PACSIN2: variants seen among roughly 807,000 people sequenced by gnomAD.
PACSIN2 encodes protein kinase C and casein kinase substrate in neurons 2, also known as protein kinase C and casein kinase substrate in neurons protein 2.
In PACSIN2, 25 loss-of-function variants were observed where a neutral mutation model predicts 63.8. That is an observed-to-expected ratio of 0.39 (90% CI 0.29 to 0.55). PACSIN2 has a LOEUF of 0.55. Ranked by LOEUF, PACSIN2 falls within the 20% of genes least tolerant of loss-of-function variation. The pLI is 0.62. For synonymous variants in PACSIN2, 255 were observed against 256.2 expected (o/e 1.00, Z 0.05); for missense variants, 518 against 646.9 (o/e 0.80, Z 2.16).
In PACSIN2 at chr22:42,990,059, CAT is replaced by C. The variant is rs202179063; in HGVS notation, c.-78+24960_-78+24961del. Among the ~76,000 whole-genome samples, 575 of 83,690 alleles carry C rather than the reference CAT, an allele frequency of 6.9e-3. 3 individuals are homozygous for C. Among genetic ancestry groups the C allele is most frequent in the African/African-American group, 0.029 (548 of 18,994 alleles). 54.9% of individuals were successfully genotyped at this position (83,690 alleles called of 152,430 possible). The stretch of plus-strand genomic sequence containing the variant: ...ATGTATATATATATATATACACACA[CAT>C]ATGTGTGTATATATATGTGTGTGTA... On this transcript the variant is annotated intron_variant, in intron 1 of 10. Coordinates refer to ENST00000263246, the MANE Select transcript of PACSIN2 (RefSeq NM_001184970.3).
intron 1 of PACSIN2, among the ~76,000 whole-genome samples, chr22:42,918,200 C>T (rs1230785079): frequency 6.6e-6 from 1 of 152,200 alleles, no homozygotes; most frequent in African/African-American, 2.4e-5. Flanking sequence ...CTAGAATAGC[C>T]ATGCTCAACC....
intron 1 of PACSIN2, among the ~76,000 whole-genome samples, chr22:42,949,069 G>T (rs909889776): frequency 6.6e-6 from 1 of 152,198 alleles, no homozygotes; most frequent in African/African-American, 2.4e-5. Flanking sequence ...GAGGTGGAAG[G>T]ATTGCTTGAG....
intron 1 of PACSIN2, among the ~76,000 whole-genome samples, chr22:42,913,138 T>C (rs1931571197): frequency 6.6e-6 from 1 of 152,126 alleles, no homozygotes; most frequent in Non-Finnish European, 1.5e-5. Context: ...TGGGCAACAG[T>C]GGGCAAGTTA....
chr22:42,902,118 C>G (rs1223745460), intron 2 of PACSIN2, among the ~76,000 whole-genome samples: 1 of 152,216 alleles, frequency 6.6e-6, no homozygotes, highest in East Asian at 1.9e-4. Flanking sequence ...AACAAACTGC[C>G]ATGCGACTGT....
At position 42,983,087 on chromosome 22, in the gene PACSIN2, C is replaced by T. The variant is rs544855964; in HGVS notation, c.-78+31934G>A. Among the ~76,000 whole-genome samples, 10 of 151,582 alleles carry T rather than the reference C, an allele frequency of 6.6e-5. No homozygotes were observed. The East Asian group carries it at 1.6e-3, about 24-fold the overall frequency. On this transcript the variant is annotated intron_variant, in intron 1 of 10. Coordinates refer to ENST00000263246, the MANE Select transcript of PACSIN2 (RefSeq NM_001184970.3). ...ATTCCAGCACTTTGGGAAGCTGAGG[C>T]GGGTGGATTACCTGAAGTCACGAGT... is the stretch of plus-strand genomic sequence containing the variant.
chr22:42,921,312 T>C (rs967962476), intron 1 of PACSIN2, among the ~76,000 whole-genome samples: 4 of 150,834 alleles, frequency 2.7e-5, no homozygotes, highest in Non-Finnish European at 4.4e-5. Context: ...TGAGCCGAGA[T>C]TGTGTCACTG....
chr22:42,979,943 GCACA>G (rs1164625004), intron 1 of PACSIN2, among the ~76,000 whole-genome samples: 1 of 151,900 alleles, frequency 6.6e-6, no homozygotes, highest in Non-Finnish European at 1.5e-5. Context: ...TTACACATAC[GCACA>G]TACATACAAT....
intron 1 of PACSIN2, among the ~76,000 whole-genome samples, chr22:42,950,130 T>G (rs1316703837): frequency 6.6e-6 from 1 of 152,106 alleles, no homozygotes; most frequent in Non-Finnish European, 1.5e-5. Context: ...TGTACAGACT[T>G]TTTTTGCTTG....
intron 2 of PACSIN2, among the ~76,000 whole-genome samples, chr22:42,895,468 A>G (rs1396383181): frequency 6.6e-6 from 1 of 152,120 alleles, no homozygotes; most frequent in East Asian, 1.9e-4. Flanking sequence ...ATCACCATCA[A>G]ATCATGTATT....
chr22:42,986,040 C>T (rs1031908247), intron 1 of PACSIN2, among the ~76,000 whole-genome samples: 1 of 152,218 alleles, frequency 6.6e-6, no homozygotes, highest in Non-Finnish European at 1.5e-5. Flanking sequence ...TCACGCTTGA[C>T]TTTCCAAACA....
chr22:42,881,809 G>A (rs759918293), intron 7 of PACSIN2, among the ~76,000 whole-genome samples: 8 of 152,058 alleles, frequency 5.3e-5, no homozygotes, highest in Non-Finnish European at 8.8e-5. Flanking sequence ...ACCGTGAGGG[G>A]AGCACTGTGG....
intron 1 of PACSIN2, among the ~76,000 whole-genome samples, chr22:42,976,650 A>G (rs1384877830): frequency 6.6e-6 from 1 of 152,254 alleles, no homozygotes; most frequent in Non-Finnish European, 1.5e-5. Context: ...ATATGCTAAC[A>G]TAACCACATG....
intron 1 of PACSIN2, among the ~76,000 whole-genome samples, chr22:42,965,740 C>T (rs919145900): frequency 6.6e-5 from 10 of 152,108 alleles, no homozygotes; most frequent in Non-Finnish European, 1.0e-4. Flanking sequence ...CCACTAGCAC[C>T]GCGATGAAAG....
intron 1 of PACSIN2, chr22:42,993,471 A>G (rs1003940688): frequency 6.6e-6 from 1 of 152,256 alleles, no homozygotes; most frequent in Non-Finnish European, 1.5e-5. Context: ...AAGACTGCTT[A>G]CTTCTTATTT....
At chr22:42,988,740 G>T (rs1398555789) in intron 1 of PACSIN2, among the ~76,000 whole-genome samples, 1 of 152,178 alleles carries the variant, frequency 6.6e-6, no homozygotes, top group Non-Finnish European at 1.5e-5. Context: ...TCTAATTCAT[G>T]TTGGCCCCAG....
intron 1 of PACSIN2, among the ~76,000 whole-genome samples, chr22:42,983,293 G>A (rs957727123): frequency 6.7e-6 from 1 of 148,930 alleles, no homozygotes; most frequent in Non-Finnish European, 1.5e-5. Context: ...CTCCAGCCCA[G>A]GCAACAGAGC....
intron 1 of PACSIN2, among the ~76,000 whole-genome samples, chr22:42,916,940 G>A (rs960179621): frequency 3.9e-5 from 6 of 152,110 alleles, no homozygotes; most frequent in Non-Finnish European, 7.4e-5. Flanking sequence ...TTGTTTTCCT[G>A]TCATTGTTGC....
chr22:42,924,346 T>C (rs1159351001), intron 1 of PACSIN2, among the ~76,000 whole-genome samples: 1 of 152,208 alleles, frequency 6.6e-6, no homozygotes, highest in Admixed American at 6.5e-5. Context: ...GCTACTGTTT[T>C]TAAAAATTAG....
chr22:42,954,316 C>T (rs1312436528), intron 1 of PACSIN2, among the ~76,000 whole-genome samples: 1 of 152,194 alleles, frequency 6.6e-6, no homozygotes, highest in Non-Finnish European at 1.5e-5. Context: ...TGGAGAACAG[C>T]CCATTGAGCC....
Sources: allele counts gnomAD v4.1 joint callset (sites outside exome capture counted in the v4.1 genomes callset), GRCh38; gene constraint gnomAD v4.1.1; transcripts MANE v1.5; gene names NCBI Gene and HGNC (gene_info 2026-07-23, HGNC 2026-07-21).